Variants in NELL1 observed in about 807,000 individuals in gnomAD.
NELL1 encodes the protein neural EGFL like 1.
In NELL1, 76 loss-of-function variants were observed where a neutral mutation model predicts 107.4. The observed-to-expected ratio is 0.71, with a 90% CI of 0.59 to 0.86. The LOEUF (loss-of-function observed/expected upper bound fraction) is 0.86, where lower values mean the gene tolerates loss of function less well. Among genes scored for constraint, NELL1 ranks in the 40% least tolerant of loss-of-function variants. NELL1 has a pLI of 0.00. For missense variants in NELL1, 1,024 were observed against 1,005.5 expected (o/e 1.02, Z -0.25); for synonymous variants, 353 against 341.2 (o/e 1.03, Z -0.38).
chr11:20,963,868 G>C (rs1285621750), intron 12 of NELL1, among the ~76,000 whole-genome samples: 3 of 152,150 alleles, frequency 2.0e-5, no homozygotes, highest in Non-Finnish European at 4.4e-5. Flanking sequence ...TGAAAAGCCT[G>C]TTCAGGCTCT....
intron 15 of NELL1, among the ~76,000 whole-genome samples, chr11:21,391,966 C>G (rs932992780): frequency 1.9e-4 from 29 of 151,766 alleles, no homozygotes; most frequent in African/African-American, 6.5e-4. Context: ...AGGGAAGAGT[C>G]TTTCTGTTTC....
chr11:20,871,531 T>C (rs2403637), intron 4 of NELL1, among the ~76,000 whole-genome samples: 88,554 of 151,582 alleles, frequency 0.58, 28,531 homozygotes, highest in Non-Finnish European at 0.72. Flanking sequence ...AAACAACTAT[T>C]ATTAATGGTC....
chr11:21,389,873 A>G (rs942118022), intron 15 of NELL1, among the ~76,000 whole-genome samples: 1 of 151,792 alleles, frequency 6.6e-6, no homozygotes, highest in Non-Finnish European at 1.5e-5. Flanking sequence ...TGCAATAACT[A>G]TTCTTGTATA....
intron 16 of NELL1, among the ~76,000 whole-genome samples, chr11:21,557,642 C>T (rs1856751783): frequency 6.6e-6 from 1 of 151,890 alleles, no homozygotes; most frequent in Non-Finnish European, 1.5e-5. Flanking sequence ...GGCATTGCCC[C>T]TTCTTCAATG....
intron 13 of NELL1, among the ~76,000 whole-genome samples, chr11:21,171,551 GATATTT>G (rs781164609): frequency 6.0e-4 from 91 of 151,714 alleles, no homozygotes; most frequent in South Asian, 1.2e-3. Flanking sequence ...TCTATTTTCG[GATATTT>G]ATATAAGCTG....
intron 15 of NELL1, among the ~76,000 whole-genome samples, chr11:21,483,250 A>G (rs1387088454): frequency 2.6e-5 from 4 of 152,198 alleles, no homozygotes; most frequent in Admixed American, 6.5e-5. Flanking sequence ...AAGCACTTCA[A>G]TTGCTCAACT....
chr11:21,068,082 T>C (rs188090709), intron 12 of NELL1, among the ~76,000 whole-genome samples: 7 of 143,630 alleles, frequency 4.9e-5, no homozygotes, highest in Admixed American at 4.2e-4. Context: ...AGAACTATAT[T>C]CTTTAACAGA....
chr11:21,025,849 C>T (rs1312564774), intron 12 of NELL1, among the ~76,000 whole-genome samples: 4 of 152,134 alleles, frequency 2.6e-5, no homozygotes, highest in Admixed American at 6.5e-5. Context: ...ACTTGCCCTC[C>T]CCAAACCTGC....
intron 12 of NELL1, among the ~76,000 whole-genome samples, chr11:21,014,428 T>C (rs1032399067): frequency 6.6e-6 from 1 of 152,152 alleles, no homozygotes; most frequent in African/African-American, 2.4e-5. Context: ...TGAAGAAATG[T>C]AGTTGAATGT....
At chr11:20,927,138 C>T in intron 7 of NELL1, 170 bp from the exon 8 acceptor site, 1 of 577,398 alleles carries the variant, frequency 1.7e-6, no homozygotes, top group Non-Finnish European at 3.0e-6. Context: ...GTGATTCCAC[C>T]TTGTGTAAAA....
intron 12 of NELL1, among the ~76,000 whole-genome samples, chr11:21,087,467 C>T (rs1015176058): frequency 1.3e-5 from 2 of 152,006 alleles, no homozygotes; most frequent in Non-Finnish European, 2.9e-5. Context: ...GATCTTTATT[C>T]TCTATTTTTC....
chr11:21,037,628 C>A (rs7106921), intron 12 of NELL1, among the ~76,000 whole-genome samples: 1,853 of 152,160 alleles, frequency 0.012, 53 homozygotes, highest in African/African-American at 0.042. Context: ...AATCTAAATC[C>A]TTCTCTGCTT....
At chr11:21,509,795 C>T (rs916482093) in intron 15 of NELL1, among the ~76,000 whole-genome samples, 1 of 152,024 alleles carries the variant, frequency 6.6e-6, no homozygotes, top group South Asian at 2.1e-4. Context: ...ATATTGTTGC[C>T]TATATTATAG....
chr11:21,135,943 G>T (rs569433395), intron 13 of NELL1, among the ~76,000 whole-genome samples: 1 of 152,240 alleles, frequency 6.6e-6, no homozygotes, highest in South Asian at 2.1e-4. Context: ...GAGCCCCCAG[G>T]ATTTGGTCTC....
intron 2 of NELL1, among the ~76,000 whole-genome samples, chr11:20,691,948 G>A (rs1482626901): frequency 6.6e-6 from 1 of 152,048 alleles, no homozygotes; most frequent in Non-Finnish European, 1.5e-5. Flanking sequence ...ATTGATTATT[G>A]CCACAATTTC....
intron 3 of NELL1, among the ~76,000 whole-genome samples, chr11:20,820,352 T>C (rs1857723442): frequency 6.6e-6 from 1 of 152,192 alleles, no homozygotes; most frequent in East Asian, 1.9e-4. Flanking sequence ...TAAAATGTTA[T>C]TAAATACCTA....
chr11:20,727,952 G>A (rs1240282049), intron 2 of NELL1, among the ~76,000 whole-genome samples: 1 of 152,006 alleles, frequency 6.6e-6, no homozygotes, highest in African/African-American at 2.4e-5. Flanking sequence ...TTTCTCCACA[G>A]CCTAACTAGC....
chr11:21,472,666 ACTACATACTTATTTTTTTCTTTTCTTTC>A (rs1854212427), intron 15 of NELL1, among the ~76,000 whole-genome samples: 1 of 152,016 alleles, frequency 6.6e-6, no homozygotes, highest in South Asian at 2.1e-4. Context: ...CTAGAAAAAA[ACTACATACTTATTTTTTTCTTTTCTTTC>A]CTTGGCCAGC....
chr11:21,356,654 C>T (rs1337535398), intron 14 of NELL1, among the ~76,000 whole-genome samples: 4 of 152,138 alleles, frequency 2.6e-5, no homozygotes, highest in Non-Finnish European at 5.9e-5. Flanking sequence ...TAATATTTTA[C>T]AATTAATTTG....
Sources: gnomAD v4.1 joint callset for allele counts (sites outside exome capture counted in the v4.1 genomes callset) on GRCh38, gnomAD v4.1.1 for gene constraint, MANE v1.5 for transcripts, NCBI Gene and HGNC (gene_info 2026-07-23, HGNC 2026-07-21) for gene names.